The following GRIP1 variants were observed in gnomAD, a reference collection of about 807,000 sequenced individuals.
GRIP1 encodes the protein glutamate receptor-interacting protein 1.
GRIP1 carries 45 observed loss-of-function variants against 129.9 expected under a neutral mutation model. The observed-to-expected ratio is 0.35, with a 90% CI of 0.27 to 0.44. The LOEUF (loss-of-function observed/expected upper bound fraction) is 0.44. Ranked by LOEUF, GRIP1 falls within the 20% of genes least tolerant of loss-of-function variation. GRIP1 has a pLI of 1.00. For missense variants in GRIP1, 1,196 were observed against 1,396.8 expected (o/e 0.86, Z 2.29); for synonymous variants, 530 against 520.8 (o/e 1.02, Z -0.24).
chr12:66,443,720 T>A (rs1446027389), intron 13 of GRIP1, among the ~76,000 whole-genome samples: 2 of 152,222 alleles, frequency 1.3e-5, no homozygotes, highest in East Asian at 3.9e-4. Flanking sequence ...CCTCCCAAAA[T>A]GCTGGGATTA....
chr12:66,430,525 A>C (rs146491175), intron 14 of GRIP1, among the ~76,000 whole-genome samples: 1 of 152,310 alleles, frequency 6.6e-6, no homozygotes, highest in East Asian at 1.9e-4. Context: ...TGCAAAACAA[A>C]ACACCATCAT....
chr12:66,723,311 T>TCTTTC (rs1565988194), intron 1 of GRIP1, among the ~76,000 whole-genome samples: 1 of 69,292 alleles, frequency 1.4e-5, no homozygotes, highest in Non-Finnish European at 2.6e-5. Context: ...TTTCTTTTTT[T>TCTTTC]TTTTTTTTTT....
At chr12:66,388,073 G>A (rs1386578266) in intron 19 of GRIP1, among the ~76,000 whole-genome samples, 3 of 149,740 alleles carry the variant, frequency 2.0e-5, no homozygotes, top group Non-Finnish European at 3.0e-5. Context: ...AAAATTGTAC[G>A]TAAAAAAAAA....
At position 66,347,929 on chromosome 12, in the gene GRIP1, C is replaced by CAGTT. The variant is rs1232477832; in HGVS notation, c.*1086_*1089dup. The CAGTT allele has an allele frequency of 7.9e-5, 12 of 152,102 alleles. No individual in the cohort carries two copies. The East Asian group carries it at 9.6e-4, about 12-fold the overall frequency. 9.4% of individuals were successfully genotyped at this position (152,102 alleles called of 1,614,324 possible). On this transcript the variant is annotated 3_prime_UTR_variant, in exon 25 of 25. Transcript: ENST00000359742. ...TTTTTTTATGTTCACCAAATAATAA[C>CAGTT]AGTTATTAGTGTAGCTATTCAAAAT...
At chr12:66,858,198 G>C (rs2040040158) in intron 1 of GRIP1, among the ~76,000 whole-genome samples, 2 of 151,890 alleles carry the variant, frequency 1.3e-5, no homozygotes, top group African/African-American at 4.8e-5. Flanking sequence ...GGAGATTACT[G>C]TATATATAAG....
At chr12:67,003,642 G>A (rs554291521) in intron 1 of GRIP1, among the ~76,000 whole-genome samples, 3 of 151,980 alleles carry the variant, frequency 2.0e-5, no homozygotes, top group East Asian at 1.9e-4. Flanking sequence ...GCAGTGAGCC[G>A]AGATTGCGCC....
intron 11 of GRIP1, among the ~76,000 whole-genome samples, chr12:66,452,855 C>T (rs1289): frequency 0.23 from 35,059 of 151,990 alleles, 4,530 homozygotes; most frequent in Middle Eastern, 0.42. Context: ...AAAATCCTCA[C>T]TTAAAAAAAA....
chr12:66,729,285 G>A (rs2036354434), intron 1 of GRIP1, among the ~76,000 whole-genome samples: 1 of 151,910 alleles, frequency 6.6e-6, no homozygotes, highest in Non-Finnish European at 1.5e-5. Context: ...TTAGGTTTTT[G>A]GCTAGTATTA....
At chr12:66,424,335 A>G (rs139559345) in intron 14 of GRIP1, among the ~76,000 whole-genome samples, 2 of 152,346 alleles carry the variant, frequency 1.3e-5, no homozygotes, top group East Asian at 3.8e-4. Flanking sequence ...AAAAATATAC[A>G]TGCATACAAT....
intron 1 of GRIP1, among the ~76,000 whole-genome samples, chr12:66,988,704 G>C (rs1020737042): frequency 6.6e-6 from 1 of 152,038 alleles, no homozygotes; most frequent in African/African-American, 2.4e-5. Flanking sequence ...AATAATACCT[G>C]GTTGAGTTTG....
chr12:66,676,923 T>C (rs527957071), intron 1 of GRIP1, among the ~76,000 whole-genome samples: 24 of 152,304 alleles, frequency 1.6e-4, no homozygotes, highest in African/African-American at 5.8e-4. Context: ...ACTTGAACGT[T>C]GTTGGACAAG....
Position 66,348,199 on chromosome 12 carries a change from T to A in GRIP1, c.*820A>T, listed in dbSNP as rs2054061379. The A allele has an allele frequency of 1.3e-5, 2 of 152,364 alleles. No homozygotes were observed. The highest frequency in any genetic ancestry group is 1.3e-4 in the Admixed American group (2 of 15,304). 9.4% of individuals were successfully genotyped at this position (152,364 alleles called of 1,614,324 possible). On this transcript the variant is annotated 3_prime_UTR_variant, in exon 25 of 25. Coordinates refer to ENST00000359742, the MANE Select transcript of GRIP1 (RefSeq NM_001366722.1). ...GAGTTTGGTTTGCCTATCATTAAGA[T>A]GAACCTCATTTTAATAGACTCTTCA...
chr12:66,461,112 G>A (rs2059122823), intron 9 of GRIP1, among the ~76,000 whole-genome samples: 1 of 152,170 alleles, frequency 6.6e-6, no homozygotes, highest in Non-Finnish European at 1.5e-5. Context: ...TTTGTGCTTA[G>A]TCCATATATT....
intron 1 of GRIP1, among the ~76,000 whole-genome samples, chr12:66,781,556 C>A (rs542596191): frequency 6.6e-6 from 1 of 152,280 alleles, no homozygotes; most frequent in Non-Finnish European, 1.5e-5. Flanking sequence ...TAGAGTTCTG[C>A]AAACATCTCC....
intron 1 of GRIP1, among the ~76,000 whole-genome samples, chr12:66,655,995 C>T (rs574430713): frequency 5.3e-5 from 8 of 152,206 alleles, no homozygotes; most frequent in African/African-American, 1.7e-4. Context: ...TACTGAAGAT[C>T]AGGTGAAGGA....
At chr12:66,785,309 T>C (rs921402998) in intron 1 of GRIP1, among the ~76,000 whole-genome samples, 2 of 65,848 alleles carry the variant, frequency 3.0e-5, no homozygotes, top group African/African-American at 1.1e-4. Flanking sequence ...GAATTTAACA[T>C]ACATACATAC....
chr12:67,020,522 A>C (rs1270488), intron 1 of GRIP1, among the ~76,000 whole-genome samples: 137,712 of 151,982 alleles, frequency 0.91, 63,329 homozygotes, highest in Non-Finnish European at 0.98. Context: ...ATTCTCCCAA[A>C]TCAGCCTCCT....
chr12:66,969,146 T>C (rs2042037548), intron 1 of GRIP1, among the ~76,000 whole-genome samples: 1 of 152,170 alleles, frequency 6.6e-6, no homozygotes, highest in African/African-American at 2.4e-5. Context: ...TCTTTCAAGA[T>C]TTTTTCACAT....
intron 1 of GRIP1, among the ~76,000 whole-genome samples, chr12:66,612,660 TA>T (rs398116543): frequency 3.9e-5 from 3 of 76,390 alleles, no homozygotes; most frequent in Admixed American, 1.3e-4. Flanking sequence ...AAAACAAAAA[TA>T]AAAAAAATTT....
Sources: gnomAD v4.1 joint callset for allele counts (sites outside exome capture counted in the v4.1 genomes callset) on GRCh38, gnomAD v4.1.1 for gene constraint, MANE v1.5 for transcripts, NCBI Gene and HGNC (gene_info 2026-07-23, HGNC 2026-07-21) for gene names.